PLOD1: variants seen among roughly 807,000 people sequenced by gnomAD.
The protein encoded by PLOD1 is procollagen-lysine,2-oxoglutarate 5-dioxygenase 1.
A neutral mutation model predicts 94.7 loss-of-function variants in PLOD1; 70 were observed. That is an observed-to-expected ratio of 0.74 (90% CI 0.61 to 0.90). The LOEUF is 0.90. Ranked by LOEUF, PLOD1 falls within the 40% of genes least tolerant of loss-of-function variation. The pLI is 0.00. For synonymous variants in PLOD1, 417 were observed against 400.2 expected (o/e 1.04, Z -0.50); for missense variants, 905 against 972.7 (o/e 0.93, Z 0.93).
chr1:11,938,820 G>C (rs187946554), intron 1 of PLOD1, among the ~76,000 whole-genome samples: 10 of 152,148 alleles, frequency 6.6e-5, no homozygotes, highest in African/African-American at 2.4e-4. Context: ...CTCCCAATGA[G>C]AGGGGGGTAC....
intron 4 of PLOD1, among the ~76,000 whole-genome samples, chr1:11,951,811 C>T (rs141157490): frequency 0.027 from 4,075 of 148,480 alleles, 118 homozygotes; most frequent in African/African-American, 0.071. Context: ...CCCAGCTACT[C>T]GGGAGGCTGA....
rs375117806 is a variant in PLOD1 at position 11,947,806 on chromosome 1, C to T, written c.77-170C>T. ...GAGCCCTGGAGGAGACTCAGGAGACCTGGGTTATTTCCTGCTCTATCATCC... is the reference window on the plus strand; with the variant it reads ...GAGCCCTGGAGGAGACTCAGGAGACTTGGGTTATTTCCTGCTCTATCATCC... On this transcript the variant is annotated intron_variant, in intron 1 of 18. Coordinates refer to ENST00000196061, the MANE Select transcript of PLOD1 (RefSeq NM_000302.4). 2.0e-5 allele frequency among the ~76,000 whole-genome samples: 3 copies of T among 152,144 alleles called. No individual in the cohort carries two copies. In the East Asian group the frequency reaches 5.8e-4, roughly 29 times the overall value.
chr1:11,944,973 A>G (rs535743102), intron 1 of PLOD1, among the ~76,000 whole-genome samples: 1 of 152,346 alleles, frequency 6.6e-6, no homozygotes, highest in South Asian at 2.1e-4. Context: ...CAGGGAGCTA[A>G]GACTCACCCA....
At chr1:11,953,304 C>T (rs1416584106) in intron 5 of PLOD1, among the ~76,000 whole-genome samples, 1 of 151,806 alleles carries the variant, frequency 6.6e-6, no homozygotes, top group Non-Finnish European at 1.5e-5. Context: ...GATTTACCCG[C>T]CTCGGCCTCT....
Position 11,934,772 on chromosome 1 carries a change from C to A in PLOD1, c.-8C>A. The A allele has an allele frequency of 6.5e-7, 1 of 1,535,604 alleles. No homozygotes were observed. The highest frequency in any genetic ancestry group is 8.7e-7 in the Non-Finnish European group (1 of 1,144,384). On this transcript the variant is annotated 5_prime_UTR_variant, in exon 1 of 19. Transcript: ENST00000196061. ...CCGGGTCGGCCGATCGTCCCCCATA[C>A]CTCGGCCATGCGGCCCCTGCTGCTA...
chr1:11,963,791 T>C lies in PLOD1; in HGVS notation c.1202+155T>C, dbSNP rs772734562. Among the ~76,000 whole-genome samples, 6 of 145,984 alleles carry C rather than the reference T, an allele frequency of 4.1e-5. No homozygotes were observed. The highest frequency in any genetic ancestry group is 2.2e-4 in the South Asian group (1 of 4,612). Reference sequence around the variant, plus strand: ...TCTTTCTCCTCCTCGTCTTCCTCCTTGTCTTCCTCCTCCTCTTCCTCTTCC... The same window carrying C: ...TCTTTCTCCTCCTCGTCTTCCTCCTCGTCTTCCTCCTCCTCTTCCTCTTCC... On this transcript the variant is annotated intron_variant, in intron 11 of 18. Coordinates refer to ENST00000196061, the MANE Select transcript of PLOD1 (RefSeq NM_000302.4). This position sits in a 1 kb window ranked among gnomAD's most constrained non-coding sequence, Gnocchi z 4.3.
At position 11,972,906 on chromosome 1, in the gene PLOD1, A is replaced by G. The variant is rs1221992885; in HGVS notation, c.1937A>G (p.Lys646Arg). The G allele has an allele frequency of 4.3e-6, 7 of 1,614,110 alleles. No individual in the cohort carries two copies. In the Admixed American group the frequency reaches 1.0e-4, roughly 23 times the overall value. Residue 646 changes from lysine to arginine, a missense_variant, in exon 18 of 19, where the codon AAG (lysine) becomes AGG (arginine). By Grantham distance (26) the Lys-to-Arg change is conservative. Coordinates refer to ENST00000196061, the MANE Select transcript of PLOD1 (RefSeq NM_000302.4). The surrounding 1 kb of genome is among the most constrained non-coding windows in gnomAD (Gnocchi z 4.6). Reference protein sequence around the residue: ...QFDLAFVVRYKPDEQPSLMPH... With the variant: ...QFDLAFVVRYRPDEQPSLMPH... ...GACCTGGCCTTTGTCGTCCGCTACA[A>G]GCCTGATGAGCAGCCCTCACTGATG...
intron 14 of PLOD1, 43 bp downstream of exon 14, chr1:11,965,636 C>T: frequency 8.4e-7 from 1 of 1,184,346 alleles, no homozygotes; most frequent in Middle Eastern, 1.9e-4. Context: ...GCAAAGGGGC[C>T]CAGTGATCCT....
intron 15 of PLOD1, among the ~76,000 whole-genome samples, chr1:11,966,734 C>T (rs1339552475): frequency 6.6e-6 from 1 of 152,156 alleles, no homozygotes; most frequent in African/African-American, 2.4e-5. Flanking sequence ...GAGCCTGGGG[C>T]CTCTGCCCCC....
rs532268599 is a variant in PLOD1 at position 11,963,874 on chromosome 1, C to G, written c.1202+238C>G. Among the ~76,000 whole-genome samples, 2 of 151,950 alleles carry G rather than the reference C, an allele frequency of 1.3e-5. No individual in the cohort carries two copies. The highest frequency in any genetic ancestry group is 1.9e-4 in the East Asian group (1 of 5,172). ...CTTCCTCATCCTCTTTCTCCTCCTC[C>G]TCTTCCTCCTCCTCCTTGGCCTCAC... is the stretch of plus-strand genomic sequence containing the variant. On this transcript the variant is annotated intron_variant, in intron 11 of 18. Transcript: ENST00000196061. This position sits in a 1 kb window ranked among gnomAD's most constrained non-coding sequence, Gnocchi z 4.3.
intron 17 of PLOD1, among the ~76,000 whole-genome samples, chr1:11,971,118 G>A (rs1484300282): frequency 5.0e-5 from 4 of 79,540 alleles, no homozygotes; most frequent in Admixed American, 1.3e-4. Flanking sequence ...CTAGAGGGGC[G>A]GGGGGGCAGG....
At chr1:11,953,780 CA>C (rs1259521194) in intron 5 of PLOD1, among the ~76,000 whole-genome samples, 2 of 151,038 alleles carry the variant, frequency 1.3e-5, no homozygotes, top group African/African-American at 4.9e-5. Context: ...TGACAAGAGC[CA>C]GACTCCATCT....
chr1:11,951,193 T>C (rs1025940061), intron 4 of PLOD1, among the ~76,000 whole-genome samples: 116 of 152,186 alleles, frequency 7.6e-4, no homozygotes, highest in Non-Finnish European at 1.1e-3. Flanking sequence ...GGTAGGAGCC[T>C]CCTTACTGCT....
Position 11,949,910 on chromosome 1 carries a change from G to A in PLOD1, c.302+4G>A. The A allele has an allele frequency of 6.2e-7, 1 of 1,613,916 alleles. No homozygotes were observed. Among genetic ancestry groups the A allele is most frequent in the Non-Finnish European group, 8.5e-7 (1 of 1,179,832 alleles). On this transcript the variant is annotated splice_donor_region_variant and intron_variant, in intron 3 of 18. Coordinates refer to ENST00000196061, the MANE Select transcript of PLOD1 (RefSeq NM_000302.4). ...TGGTCATTCTCTTCGCAGACAGGTA[G>A]GTGGGTCAGGGCTTCCTAGCCTGGG...
rs1027525225 is a variant in PLOD1 at position 11,972,663 on chromosome 1, C to T, written c.1903-209C>T. Reference sequence around the variant, plus strand: ...CCCCTCTGTTCTCTTCCTTCCCTCCCTCTCTCCCCTCTGTCCATACATTTT... The same window carrying T: ...CCCCTCTGTTCTCTTCCTTCCCTCCTTCTCTCCCCTCTGTCCATACATTTT... On this transcript the variant is annotated intron_variant, in intron 17 of 18. Transcript: ENST00000196061. The surrounding 1 kb of genome is among the most constrained non-coding windows in gnomAD (Gnocchi z 4.6). 2.2e-4 allele frequency: 122 copies of T among 553,422 alleles called. 3 individuals carry two copies. In the East Asian group the frequency reaches 3.7e-3, roughly 17 times the overall value. 34.3% of individuals were successfully genotyped at this position (553,422 alleles called of 1,614,324 possible). A position where few individuals can be genotyped will look rare whatever the true frequency, so the allele number is the denominator to read the frequency against.
chr1:11,934,932 AC>A (rs1645568116), intron 1 of PLOD1, 77 bp downstream of exon 1: 1 of 1,485,122 alleles, frequency 6.7e-7, no homozygotes, highest in African/African-American at 1.4e-5. Flanking sequence ...CCTGGGAACG[AC>A]CTGAATGGGA....
intron 14 of PLOD1, 52 bp from the exon 15 acceptor site, chr1:11,966,199 C>A: frequency 7.4e-7 from 1 of 1,356,090 alleles, no homozygotes; most frequent in East Asian, 2.4e-5. Flanking sequence ...CTGAGCATCC[C>A]TGGCAGTTGA....
intron 1 of PLOD1, among the ~76,000 whole-genome samples, chr1:11,943,074 C>T (rs865996182): frequency 2.0e-5 from 3 of 152,156 alleles, no homozygotes; most frequent in Non-Finnish European, 1.5e-5. Context: ...GCAATCTCTG[C>T]CCCCTGGGTT....
Position 11,974,693 on chromosome 1 carries a change from G to C in PLOD1, c.2069G>C (p.Arg690Pro). Residue 690 changes from arginine (R) to proline (P), a missense_variant, in exon 19 of 19, where the codon CGA (arginine) becomes CCA (proline). Physicochemically the swap from Arg to Pro is moderately radical, Grantham distance 103 (BLOSUM62 -2). Transcript: ENST00000196061. ...CRFLRYNCSI[R>P]APRKGWTLMH... ...TTCCTGCGCTACAACTGTTCCATCC[G>C]AGCCCCAAGGAAGGGCTGGACCCTC... 2 of 1,613,878 alleles carry C rather than the reference G, an allele frequency of 1.2e-6. No individual in the cohort carries two copies. Among genetic ancestry groups the C allele is most frequent in the South Asian group, 1.1e-5 (1 of 91,080 alleles).
Sources: gnomAD v4.1 joint callset for allele counts (sites outside exome capture counted in the v4.1 genomes callset) on GRCh38, gnomAD v4.1.1 for gene constraint, Gnocchi (gnomAD v3.1) non-coding constraint, MANE v1.5 for transcripts, NCBI Gene and HGNC (gene_info 2026-07-23, HGNC 2026-07-21) for gene names.